NPAS3: variants seen among roughly 807,000 people sequenced by gnomAD.
NPAS3 encodes the protein neuronal PAS domain protein 3.
In NPAS3, 14 loss-of-function variants were observed where a neutral mutation model predicts 73.1. That is an observed-to-expected ratio of 0.19 (90% CI 0.13 to 0.30). The LOEUF is 0.30. Ranked by LOEUF, NPAS3 falls within the 10% of genes least tolerant of loss-of-function variation. The probability of loss-of-function intolerance (pLI) is 1.00; values close to 1 mark genes in which losing one functional copy is unlikely to be tolerated. For synonymous variants in NPAS3, 620 were observed against 541.5 expected (o/e 1.14, Z -2.01); for missense variants, 1,096 against 1,250.0 (o/e 0.88, Z 1.86).
intron 1 of NPAS3, among the ~76,000 whole-genome samples, chr14:33,036,793 T>G (rs1302076283): frequency 6.6e-6 from 1 of 152,226 alleles, no homozygotes; most frequent in African/African-American, 2.4e-5. Flanking sequence ...AAAAAAATGA[T>G]GTTTTCAGGT....
At chr14:33,371,367 A>G (rs1206333388) in intron 4 of NPAS3, among the ~76,000 whole-genome samples, 1 of 152,156 alleles carries the variant, frequency 6.6e-6, no homozygotes, top group African/African-American at 2.4e-5. Context: ...ATGAGAAGTT[A>G]TCATCAAGAG....
chr14:33,153,600 A>T (rs1261240833), intron 2 of NPAS3, among the ~76,000 whole-genome samples: 1 of 152,160 alleles, frequency 6.6e-6, no homozygotes, highest in East Asian at 1.9e-4. Context: ...AATGATCTCC[A>T]GAGAATAAAC....
intron 9 of NPAS3, among the ~76,000 whole-genome samples, chr14:33,783,082 C>T (rs542358532): frequency 6.6e-6 from 1 of 152,074 alleles, no homozygotes; most frequent in African/African-American, 2.4e-5. Flanking sequence ...TTTCCACAAC[C>T]GAGCATCAAT....
chr14:32,994,009 AT>A (rs1477753517), intron 1 of NPAS3, among the ~76,000 whole-genome samples: 1 of 152,194 alleles, frequency 6.6e-6, no homozygotes, highest in African/African-American at 2.4e-5. Context: ...TTTAAGTCAA[AT>A]TAATTACCTT....
chr14:33,314,656 C>A (rs539000152), intron 3 of NPAS3, among the ~76,000 whole-genome samples: 3 of 152,100 alleles, frequency 2.0e-5, no homozygotes, highest in African/African-American at 7.2e-5. Flanking sequence ...GGTAAGTCTG[C>A]ATCAGGATAT....
chr14:33,097,070 T>C (rs1038621643), intron 2 of NPAS3, among the ~76,000 whole-genome samples: 1 of 152,126 alleles, frequency 6.6e-6, no homozygotes, highest in Non-Finnish European at 1.5e-5. Flanking sequence ...GTGCAATTTT[T>C]TCCCCCCATT....
At chr14:33,095,701 C>T (rs184014258) in intron 2 of NPAS3, among the ~76,000 whole-genome samples, 1,540 of 125,398 alleles carry the variant, frequency 0.012, 33 homozygotes, top group African/African-American at 0.045. Flanking sequence ...GGGAGTCTCG[C>T]TCTGTCGCCC....
intron 4 of NPAS3, among the ~76,000 whole-genome samples, chr14:33,411,281 C>G (rs2047914615): frequency 6.6e-6 from 1 of 152,200 alleles, no homozygotes; most frequent in African/African-American, 2.4e-5. Context: ...CTCCTGGGTT[C>G]AAGCGATTCT....
intron 3 of NPAS3, among the ~76,000 whole-genome samples, chr14:33,342,992 CTT>C (rs1206367325): frequency 1.3e-5 from 2 of 152,180 alleles, no homozygotes; most frequent in Non-Finnish European, 2.9e-5. Context: ...TGTAATGTCT[CTT>C]TTGTTGCATG....
chr14:33,681,668 A>C (rs1302125028), intron 6 of NPAS3, among the ~76,000 whole-genome samples: 1 of 152,218 alleles, frequency 6.6e-6, no homozygotes, highest in East Asian at 1.9e-4. Flanking sequence ...TCCCATTAAT[A>C]ACTGAGATTT....
intron 4 of NPAS3, among the ~76,000 whole-genome samples, chr14:33,517,834 C>T (rs984753150): frequency 5.3e-5 from 8 of 152,068 alleles, no homozygotes; most frequent in Admixed American, 2.0e-4. Flanking sequence ...TTTCCATTGA[C>T]CTTTTCATTT....
chr14:33,784,752 T>TTTATTTTTTA (rs1555333528), intron 9 of NPAS3, among the ~76,000 whole-genome samples: 2,030 of 112,590 alleles, frequency 0.018, 39 homozygotes, highest in Admixed American at 0.028. Context: ...TTTATTTTTT[T>TTTATTTTTTA]TTTTTTTTTT....
At chr14:33,156,998 G>A (rs1439060861) in intron 2 of NPAS3, among the ~76,000 whole-genome samples, 2 of 152,062 alleles carry the variant, frequency 1.3e-5, no homozygotes, top group Non-Finnish European at 2.9e-5. Context: ...ATAGAATCAA[G>A]AGGAACTCTA....
chr14:33,079,055 A>G (rs151284689), intron 2 of NPAS3, among the ~76,000 whole-genome samples: 3 of 152,260 alleles, frequency 2.0e-5, no homozygotes, highest in East Asian at 1.9e-4. Context: ...TCAAACCCCA[A>G]TTTGCCTGTG....
At chr14:33,522,286 T>C (rs1293112073) in intron 4 of NPAS3, among the ~76,000 whole-genome samples, 1 of 152,148 alleles carries the variant, frequency 6.6e-6, no homozygotes, top group Non-Finnish European at 1.5e-5. Flanking sequence ...TAATTATAAA[T>C]ACTAGATTGG....
chr14:33,135,492 A>G (rs1243746742), intron 2 of NPAS3, among the ~76,000 whole-genome samples: 3 of 152,194 alleles, frequency 2.0e-5, no homozygotes, highest in Non-Finnish European at 2.9e-5. Context: ...AAATAGTTTA[A>G]GTTTATTAAT....
chr14:33,470,774 T>C (rs2139601671), intron 4 of NPAS3, among the ~76,000 whole-genome samples: 1 of 152,280 alleles, frequency 6.6e-6, no homozygotes, highest in Middle Eastern at 3.4e-3. Flanking sequence ...TTTATGAAGT[T>C]CCTTCCCTAT....
At chr14:33,737,297 A>G (rs1277489181) in intron 7 of NPAS3, among the ~76,000 whole-genome samples, 1 of 152,196 alleles carries the variant, frequency 6.6e-6, no homozygotes, top group East Asian at 1.9e-4. Context: ...CATCATGCAA[A>G]CAAATGGAAG....
chr14:33,102,188 A>T (rs529174896), intron 2 of NPAS3, among the ~76,000 whole-genome samples: 1 of 152,008 alleles, frequency 6.6e-6, no homozygotes, highest in South Asian at 2.1e-4. Context: ...TTTACTGTGG[A>T]TGTGTTTATG....
Sources: allele counts gnomAD v4.1 joint callset (sites outside exome capture counted in the v4.1 genomes callset), GRCh38; gene constraint gnomAD v4.1.1; transcripts MANE v1.5; gene names NCBI Gene and HGNC (gene_info 2026-07-23, HGNC 2026-07-21).